GTF3C5: variants seen among roughly 807,000 people sequenced by gnomAD.
GTF3C5 encodes general transcription factor IIIC subunit 5, also known as general transcription factor 3C polypeptide 5.
A neutral mutation model predicts 61.0 loss-of-function variants in GTF3C5; 47 were observed. That is an observed-to-expected ratio of 0.77 (90% CI 0.61 to 0.98). GTF3C5 has a LOEUF of 0.98. Ranked by LOEUF, GTF3C5 falls within the 50% of genes least tolerant of loss-of-function variation. GTF3C5 has a pLI of 0.00. For synonymous variants in GTF3C5, 295 were observed against 275.4 expected, an observed-to-expected ratio of 1.07 and a Z score of -0.71; for missense variants, 659 against 703.3, an observed-to-expected ratio of 0.94 and a Z score of 0.71.
At chr9:133,046,015 A>G (rs1190761973) in intron 3 of GTF3C5, among the ~76,000 whole-genome samples, 1 of 152,164 alleles carries the variant, frequency 6.6e-6, no homozygotes, top group Admixed American at 6.6e-5. Context: ...TAAGCTTCCA[A>G]AAATGCAGCC....
rs200908064 is a variant in GTF3C5, at chr9:133,052,077, C to T, written c.786C>T (p.Pro262=). ...EELRKLFDIR[P]IWSRNAVKAN... is the part of the protein sequence containing the mutation. ...CTCCCCAGCTGTTTGACATCCGTCCCATCTGGTCCCGAAATGCTGTCAAGG... is the reference window on the plus strand; with the variant it reads ...CTCCCCAGCTGTTTGACATCCGTCCTATCTGGTCCCGAAATGCTGTCAAGG... The change falls in exon 5 of 11, where the codon CCC becomes CCT. Residue 262 remains proline, a synonymous_variant. Coordinates refer to ENST00000372097, the MANE Select transcript of GTF3C5 (RefSeq NM_012087.4). The T allele has an allele frequency of 1.0e-5, 16 of 1,604,064 alleles. No individual in the cohort carries two copies. Among genetic ancestry groups the T allele is most frequent in the Non-Finnish European group, 1.4e-5 (16 of 1,173,822 alleles).
rs200561021 is a variant in GTF3C5 at position 133,057,863 on chromosome 9, G to A, written c.1443G>A (p.Thr481=). The change falls in exon 11 of 11, where the codon ACG becomes ACA. Residue 481 remains threonine, a synonymous_variant. Transcript: ENST00000372097. The stretch of plus-strand genomic sequence containing the variant: ...CTGATGGCGGAAAAGAGCAGCTGAC[G>A]TACGAGTCTGGGGAAGACGAGGAGG... The part of the protein sequence containing the change: ...AKADGGKEQL[T]YESGEDEEDE... 3.1e-5 allele frequency: 50 copies of A among 1,613,630 alleles called. No homozygotes were observed. Among genetic ancestry groups the A allele is most frequent in the Middle Eastern group, 3.3e-4 (2 of 6,054 alleles).
At chr9:133,038,880 G>A (rs185059234) in intron 1 of GTF3C5, among the ~76,000 whole-genome samples, 1 of 152,308 alleles carries the variant, frequency 6.6e-6, no homozygotes, top group Admixed American at 6.5e-5. Context: ...ACCCGGGGTA[G>A]AAAACTGAGG....
chr9:133,052,368 A>T (rs1202888443), intron 5 of GTF3C5, among the ~76,000 whole-genome samples: 1 of 61,260 alleles, frequency 1.6e-5, no homozygotes, highest in Admixed American at 1.9e-4. Context: ...CCAACCTAGC[A>T]CCTCCCCCGT....
chr9:133,058,285 T>A lies in GTF3C5; in HGVS notation c.*305T>A. On this transcript the variant is annotated 3_prime_UTR_variant, in exon 11 of 11. Coordinates refer to ENST00000372097, the MANE Select transcript of GTF3C5 (RefSeq NM_012087.4). Reference sequence around the variant, plus strand: ...CCAATGCCTCTCAGGATGAGACCAGTAAATGCCGGAGGTGGAGCTGGGCAG... The same window carrying A: ...CCAATGCCTCTCAGGATGAGACCAGAAAATGCCGGAGGTGGAGCTGGGCAG... 2.0e-6 allele frequency: 1 copy of A among 491,472 alleles called. No homozygotes were observed. Among genetic ancestry groups the A allele is most frequent in the Non-Finnish European group, 2.9e-6 (1 of 341,772 alleles). 30.4% of individuals were successfully genotyped at this position (491,472 alleles called of 1,614,324 possible).
rs1237687119 is a variant in GTF3C5 at position 133,031,163 on chromosome 9, G to A, written c.152G>A (p.Arg51Gln). 6.4e-7 allele frequency: 1 copy of A among 1,569,520 alleles called. No homozygotes were observed. Among genetic ancestry groups the A allele is most frequent in the Non-Finnish European group, 8.6e-7 (1 of 1,156,594 alleles). Reference protein sequence around the residue: ...PTLGGEEGVSRIYADPTKRLE... With the variant: ...PTLGGEEGVSQIYADPTKRLE... ...CTGGGCGGCGAGGAAGGCGTCTCCC[G>A]GGTAAGGGGCTGGGAATCTCGGTGT... Residue 51 changes from arginine to glutamine, a missense_variant and splice_region_variant, in exon 1 of 11, where the codon CGG becomes CAG. Coordinates refer to ENST00000372097, the MANE Select transcript of GTF3C5 (RefSeq NM_012087.4).
At position 133,043,907 on chromosome 9, in the gene GTF3C5, C is replaced by T. The variant is rs780302406; in HGVS notation, c.553C>T (p.Arg185Ter). 2.1e-5 allele frequency: 34 copies of T among 1,613,564 alleles called. No homozygotes were observed. Among genetic ancestry groups the T allele is most frequent in the Admixed American group, 3.3e-5 (2 of 59,994 alleles). ...RLDAPVDYFY[R>*]PETQHREGYN... ...GGACGCCCCGGTGGACTACTTCTAC[C>T]GACCAGAGACCCAGCACCGGTAAGG... The change falls in exon 3 of 11, where the codon CGA becomes TGA. Residue 185 changes from arginine (R) to a stop codon, truncating the protein, a stop_gained. Coordinates refer to ENST00000372097, the MANE Select transcript of GTF3C5 (RefSeq NM_012087.4). LOFTEE classifies it high-confidence loss of function.
intron 2 of GTF3C5, 129 bp from the exon 3 acceptor site, chr9:133,043,599 G>A: frequency 1.4e-6 from 1 of 706,420 alleles, no homozygotes; most frequent in Non-Finnish European, 2.5e-6. Context: ...GTGTTTTCCT[G>A]CCACCCTCAC....
Position 133,042,269 on chromosome 9 carries a change from G to A in GTF3C5, c.336G>A (p.Glu112=). 2 of 1,612,184 alleles carry A rather than the reference G, an allele frequency of 1.2e-6. No homozygotes were observed. Among genetic ancestry groups the A allele is most frequent in the South Asian group, 1.1e-5 (1 of 91,040 alleles). ...EAHSEVTFDM[E]ILGIISTIYK... Reference sequence around the variant, plus strand: ...ACTCCGAGGTCACATTTGACATGGAGATCCTTGGCATCATCTCCACCATTT... The same window carrying A: ...ACTCCGAGGTCACATTTGACATGGAAATCCTTGGCATCATCTCCACCATTT... The change falls in exon 2 of 11, where the codon GAG becomes GAA. Residue 112 remains glutamate (E), a synonymous_variant. Coordinates refer to ENST00000372097, the MANE Select transcript of GTF3C5 (RefSeq NM_012087.4).
At chr9:133,056,669 C>A in intron 9 of GTF3C5, 97 bp from the exon 10 acceptor site, 6 of 1,203,930 alleles carry the variant, frequency 5.0e-6, no homozygotes, top group Non-Finnish European at 6.9e-6. Flanking sequence ...TGCCTTTGAT[C>A]TCAGTACAGC....
intron 3 of GTF3C5, among the ~76,000 whole-genome samples, chr9:133,046,720 G>A (rs1205377196): frequency 6.6e-6 from 1 of 152,172 alleles, no homozygotes; most frequent in Non-Finnish European, 1.5e-5. Flanking sequence ...TGGGGAGTGG[G>A]CCACACTGGT....
At chr9:133,046,343 A>G (rs575646505) in intron 3 of GTF3C5, among the ~76,000 whole-genome samples, 1 of 152,286 alleles carries the variant, frequency 6.6e-6, no homozygotes, top group Admixed American at 6.5e-5. Flanking sequence ...AAACAAAACA[A>G]AAAACAAACA....
chr9:133,049,380 G>A (rs1323689520), intron 3 of GTF3C5, among the ~76,000 whole-genome samples: 2 of 152,214 alleles, frequency 1.3e-5, no homozygotes, highest in Admixed American at 6.5e-5. Context: ...GAAGGCCCAG[G>A]CTCGATCCCG....
chr9:133,031,056 C>A lies in GTF3C5; in HGVS notation c.45C>A (p.Pro15=). 6.2e-7 allele frequency: 1 copy of A among 1,612,160 alleles called. No individual in the cohort carries two copies. Among genetic ancestry groups the A allele is most frequent in the Non-Finnish European group, 8.5e-7 (1 of 1,179,138 alleles). ...AADLGLGAAV[P]VELRRERRMV... ...ATTTGGGGCTGGGGGCCGCCGTCCC[C>A]GTGGAGCTGAGGCGGGAGCGACGCA... Residue 15 remains proline, a synonymous_variant, in exon 1 of 11, where the codon CCC becomes CCA. Coordinates refer to ENST00000372097, the MANE Select transcript of GTF3C5 (RefSeq NM_012087.4).
At position 133,055,937 on chromosome 9, in the gene GTF3C5, T is replaced by C; in HGVS notation, c.1168-75T>C. The C allele has an allele frequency of 3.1e-6, 5 of 1,602,406 alleles. No individual in the cohort carries two copies. The South Asian group carries it at 5.6e-5, about 18-fold the overall frequency. ...TCCCTGGAGAGACCCCATGGGAGCC[T>C]ACATGGAGTCTGCAACACTGGCAGC... On this transcript the variant is annotated intron_variant, in intron 8 of 10. Transcript: ENST00000372097.
At chr9:133,055,263 G>C in intron 8 of GTF3C5, 1 of 1,457,344 alleles carries the variant, frequency 6.9e-7, no homozygotes, top group South Asian at 1.2e-5. Context: ...TTCCAGAGCT[G>C]TTCCCACATT....
At chr9:133,052,619 A>G (rs974674411) in intron 5 of GTF3C5, among the ~76,000 whole-genome samples, 1 of 151,826 alleles carries the variant, frequency 6.6e-6, no homozygotes, top group African/African-American at 2.4e-5. Flanking sequence ...GTAAAGACAC[A>G]TGTCATTACT....
At chr9:133,031,602 C>G (rs1564192831) in intron 1 of GTF3C5, among the ~76,000 whole-genome samples, 2 of 152,186 alleles carry the variant, frequency 1.3e-5, no homozygotes, top group Admixed American at 6.5e-5. Flanking sequence ...AAAGAAGAAT[C>G]AGCACTCTGG....
At position 133,052,065 on chromosome 9, in the gene GTF3C5, T is replaced by C; in HGVS notation, c.774T>C (p.Phe258=). The part of the protein sequence containing the change: ...RKVEEELRKL[F]DIRPIWSRNA... ...TCTGCCCTTGGCCTCCCCAGCTGTTTGACATCCGTCCCATCTGGTCCCGAA... is the reference window on the plus strand; with the variant it reads ...TCTGCCCTTGGCCTCCCCAGCTGTTCGACATCCGTCCCATCTGGTCCCGAA... The change falls in exon 5 of 11, where the codon TTT becomes TTC. Residue 258 remains phenylalanine, a synonymous_variant. Coordinates refer to ENST00000372097, the MANE Select transcript of GTF3C5 (RefSeq NM_012087.4). 6.3e-7 allele frequency: 1 copy of C among 1,591,300 alleles called. No individual in the cohort carries two copies. The highest frequency in any genetic ancestry group is 8.6e-7 in the Non-Finnish European group (1 of 1,164,784).
Sources: gnomAD v4.1 joint callset for allele counts (sites outside exome capture counted in the v4.1 genomes callset) on GRCh38, gnomAD v4.1.1 for gene constraint, MANE v1.5 for transcripts, NCBI Gene and HGNC (gene_info 2026-07-23, HGNC 2026-07-21) for gene names.